RGL1: variants seen among roughly 807,000 people sequenced by gnomAD.
RGL1 encodes ral guanine nucleotide dissociation stimulator-like 1.
In RGL1, 24 loss-of-function variants were observed where a neutral mutation model predicts 95.2. That is an observed-to-expected ratio of 0.25 (90% confidence interval 0.18 to 0.35). The LOEUF (loss-of-function observed/expected upper bound fraction) is 0.35, where lower values mean the gene tolerates loss of function less well. RGL1 is among the 10% of genes least tolerant of loss of function. RGL1 has a pLI of 1.00. For missense variants in RGL1, 715 were observed against 936.3 expected, an observed-to-expected ratio of 0.76 and a Z score of 3.08; for synonymous variants, 329 against 344.9, an observed-to-expected ratio of 0.95 and a Z score of 0.51.
At chr1:183,874,171 A>T (rs74133015) in intron 4 of RGL1, among the ~76,000 whole-genome samples, 2,730 of 144,400 alleles carry the variant, frequency 0.019, 82 homozygotes, top group African/African-American at 0.066. Context: ...CCTCATAATG[A>T]TTATGTTTTA....
intron 15 of RGL1, among the ~76,000 whole-genome samples, 199 bp downstream of exon 15, chr1:183,912,467 G>A (rs1288077065): frequency 1.3e-5 from 2 of 152,122 alleles, no homozygotes; most frequent in African/African-American, 2.4e-5. Context: ...AAGCAGTTTC[G>A]TTTATTCATT....
intron 1 of RGL1, among the ~76,000 whole-genome samples, chr1:183,805,525 A>G (rs1558216818): frequency 6.6e-6 from 1 of 152,098 alleles, no homozygotes; most frequent in African/African-American, 2.4e-5. Flanking sequence ...TTTCTCAGCA[A>G]TTGCCTGTGG....
chr1:183,733,455 C>T lies in RGL1; in HGVS notation c.-32-8671C>T, dbSNP rs1460275758. ...CCTTGGTTTCATTGTCCCTGTGTTCCTGTGTTCATCTGGGTTATTGAGTCT... is the reference window on the plus strand; with the variant it reads ...CCTTGGTTTCATTGTCCCTGTGTTCTTGTGTTCATCTGGGTTATTGAGTCT... On this transcript the variant is annotated intron_variant, in intron 1 of 18. Coordinates refer to the RGL1 transcript ENST00000304685. Among the ~76,000 whole-genome samples the T allele has an allele frequency of 1.2e-4, 18 of 152,086 alleles. 2 individuals are homozygous for T. The highest frequency in any genetic ancestry group is 1.2e-3 in the Admixed American group (18 of 15,258).
upstream of RGL1, among the ~76,000 whole-genome samples, chr1:183,804,600 G>A (rs1457727677): frequency 3.3e-5 from 5 of 152,182 alleles, no homozygotes; most frequent in African/African-American, 4.8e-5. Context: ...CAGTTACTGG[G>A]TAATTGGGGT....
chr1:183,800,204 C>T (rs149340959), upstream of RGL1, among the ~76,000 whole-genome samples: 856 of 152,124 alleles, frequency 5.6e-3, 10 homozygotes, highest in African/African-American at 0.02. Context: ...TTCTTGCAGC[C>T]AGAGAGGTAG....
intron 1 of RGL1, among the ~76,000 whole-genome samples, chr1:183,684,554 C>A (rs189505285): frequency 5.9e-5 from 9 of 152,248 alleles, no homozygotes; most frequent in African/African-American, 2.2e-4. Flanking sequence ...CTGAGCTAGA[C>A]CATTTGCCTC....
chr1:183,784,397 T>C (rs1660050345), intron 2 of RGL1, among the ~76,000 whole-genome samples: 1 of 152,098 alleles, frequency 6.6e-6, no homozygotes, highest in Non-Finnish European at 1.5e-5. Context: ...TATGCTCAGG[T>C]TCATGGGCAG....
At chr1:183,820,656 C>T (rs1662415051) in intron 2 of RGL1, among the ~76,000 whole-genome samples, 1 of 152,100 alleles carries the variant, frequency 6.6e-6, no homozygotes, top group South Asian at 2.1e-4. Context: ...GCCATATGTG[C>T]CTATTGAGCA....
At chr1:183,785,885 G>A (rs145729999) in intron 2 of RGL1, among the ~76,000 whole-genome samples, 1 of 152,100 alleles carries the variant, frequency 6.6e-6, no homozygotes, top group Non-Finnish European at 1.5e-5. Context: ...AGGAGTTTGA[G>A]ACCAGCCTGG....
rs192181505 is a variant in RGL1, at chr1:183,743,672, G to A, written c.132+1383G>A. 4.6e-5 allele frequency among the ~76,000 whole-genome samples: 7 copies of A among 152,248 alleles called. No individual in the cohort carries two copies. The East Asian group carries it at 1.4e-3, about 29-fold the overall frequency. On this transcript the variant is annotated intron_variant, in intron 2 of 18. Transcript: ENST00000304685. ...GACAAATAGAAGAGTTTTATCTTCT[G>A]GAATACTCAATTTAAAATGTTTAGC...
At chr1:183,815,002 T>C (rs1661987288) in intron 2 of RGL1, among the ~76,000 whole-genome samples, 1 of 152,260 alleles carries the variant, frequency 6.6e-6, no homozygotes, top group African/African-American at 2.4e-5. Flanking sequence ...CTGAGCGCGG[T>C]GGCTCTCGCC....
intron 8 of RGL1, among the ~76,000 whole-genome samples, chr1:183,889,789 T>C (rs1272949024): frequency 6.6e-6 from 1 of 152,150 alleles, no homozygotes; most frequent in East Asian, 1.9e-4. Context: ...CCACAGCTAC[T>C]TGCACTCCAA....
chr1:183,754,647 G>A (rs545796087), intron 2 of RGL1: 2 of 152,310 alleles, frequency 1.3e-5, no homozygotes, highest in African/African-American at 4.8e-5. Context: ...GACCAGACAT[G>A]CATTGTATTA....
At chr1:183,887,142 T>G (rs916525319) in intron 7 of RGL1, among the ~76,000 whole-genome samples, 1 of 149,978 alleles carries the variant, frequency 6.7e-6, no homozygotes, top group Non-Finnish European at 1.5e-5. Flanking sequence ...ACATTTCTCT[T>G]GTTCTCTCTC....
chr1:183,875,275 A>G (rs1366949208), intron 4 of RGL1, among the ~76,000 whole-genome samples: 1 of 152,210 alleles, frequency 6.6e-6, no homozygotes, highest in Non-Finnish European at 1.5e-5. Context: ...GTTACACATC[A>G]TGGGAGAGGT....
intron 5 of RGL1, 44 bp downstream of exon 5, chr1:183,880,844 C>G: frequency 6.4e-7 from 1 of 1,574,070 alleles, no homozygotes; most frequent in Non-Finnish European, 8.7e-7. Context: ...GATTCTGATT[C>G]TCCAGCCTCC....
intron 4 of RGL1, among the ~76,000 whole-genome samples, chr1:183,870,879 A>G (rs1430273147): frequency 6.6e-6 from 1 of 152,196 alleles, no homozygotes; most frequent in African/African-American, 2.4e-5. Flanking sequence ...AGAGGCAGCC[A>G]CATGGAGAGG....
intron 14 of RGL1, among the ~76,000 whole-genome samples, chr1:183,909,434 G>C (rs1021610016): frequency 1.3e-5 from 2 of 152,170 alleles, no homozygotes; most frequent in Non-Finnish European, 2.9e-5. Context: ...TAGAGACTCT[G>C]AGATAATGGA....
chr1:183,698,988 A>AT (rs746368936), intron 1 of RGL1, among the ~76,000 whole-genome samples: 9 of 152,268 alleles, frequency 5.9e-5, no homozygotes, highest in Non-Finnish European at 1.3e-4. Context: ...AAAATGGAGA[A>AT]TAGGAAGAAC....
Sources: gnomAD v4.1 joint callset for allele counts (sites outside exome capture counted in the v4.1 genomes callset) on GRCh38, gnomAD v4.1.1 for gene constraint, MANE v1.5 for transcripts, NCBI Gene and HGNC (gene_info 2026-07-23, HGNC 2026-07-21) for gene names.